Variants in REDIC1 observed in about 807,000 individuals in gnomAD.
REDIC1 encodes the protein HEI10 Interacting Protein 1.
At chr12:39,747,539 AG>A in the REDIC1 span, among the ~76,000 whole-genome samples, 1 of 152,236 alleles carries the variant, frequency 6.6e-6, no homozygotes, top group African/African-American at 2.4e-5. Context: ...CAACCTAGCA[AG>A]GCAGGCCAAC....
At chr12:39,711,565 G>GCATGTGCA in the REDIC1 span, among the ~76,000 whole-genome samples, 288 of 121,778 alleles carry the variant, frequency 2.4e-3, 4 homozygotes, top group African/African-American at 8.4e-3. Flanking sequence ...ACATGCATGT[G>GCATGTGCA]TATATGTGCA....
chr12:39,824,972 C>T, the REDIC1 span, among the ~76,000 whole-genome samples: 3 of 152,250 alleles, frequency 2.0e-5, no homozygotes, highest in South Asian at 6.2e-4. Context: ...GGGATTTAAA[C>T]TGACTAGAAT....
chr12:39,696,107 T>A, the REDIC1 span, among the ~76,000 whole-genome samples: 1 of 152,130 alleles, frequency 6.6e-6, no homozygotes, highest in South Asian at 2.1e-4. Flanking sequence ...TTTGTATTCC[T>A]GGAAAGCATT....
the REDIC1 span, among the ~76,000 whole-genome samples, chr12:39,701,710 G>A: frequency 5.3e-5 from 8 of 152,270 alleles, no homozygotes; most frequent in East Asian, 1.9e-4. Flanking sequence ...CTCAGCAAAT[G>A]TAAAAGAACA....
At chr12:39,847,545 G>A in the REDIC1 span, among the ~76,000 whole-genome samples, 2 of 152,068 alleles carry the variant, frequency 1.3e-5, no homozygotes, top group Non-Finnish European at 2.9e-5. Flanking sequence ...GGAATGCTAT[G>A]CTGGTAGAAC....
At chr12:39,901,653 C>T in the REDIC1 span, among the ~76,000 whole-genome samples, 1 of 127,916 alleles carries the variant, frequency 7.8e-6, no homozygotes, top group African/African-American at 3.0e-5. Flanking sequence ...TACCATCTCA[C>T]ACCAGTTAGA....
the REDIC1 span, chr12:39,716,813 G>A: frequency 7.5e-6 from 12 of 1,600,192 alleles, no homozygotes; most frequent in Non-Finnish European, 1.0e-5. Flanking sequence ...CCAACAGACA[G>A]CTGTTTCAGT....
chr12:39,888,967 G>A, the REDIC1 span, among the ~76,000 whole-genome samples: 42 of 151,934 alleles, frequency 2.8e-4, no homozygotes, highest in Non-Finnish European at 4.4e-4. Context: ...AGTTCAAAGT[G>A]TTTACTTTAT....
chr12:39,718,830 C>A, the REDIC1 span, among the ~76,000 whole-genome samples: 2 of 152,052 alleles, frequency 1.3e-5, no homozygotes, highest in African/African-American at 2.4e-5. Context: ...TTTTTTAAGC[C>A]AAAGCTGTTT....
the REDIC1 span, among the ~76,000 whole-genome samples, chr12:39,832,231 A>G: frequency 6.6e-6 from 1 of 152,132 alleles, no homozygotes; most frequent in Non-Finnish European, 1.5e-5. Context: ...GAACCAGACT[A>G]GGCTAATTTG....
the REDIC1 span, among the ~76,000 whole-genome samples, chr12:39,631,627 T>A: frequency 6.6e-6 from 1 of 152,200 alleles, no homozygotes; most frequent in Non-Finnish European, 1.5e-5. Context: ...TGTGAAAATA[T>A]TTGGGCTAAA....
At chr12:39,779,287 G>A in the REDIC1 span, among the ~76,000 whole-genome samples, 1 of 152,130 alleles carries the variant, frequency 6.6e-6, no homozygotes, top group Admixed American at 6.5e-5. Flanking sequence ...TTCTGAAACG[G>A]GAAGGACTGC....
the REDIC1 span, among the ~76,000 whole-genome samples, chr12:39,731,321 C>T: frequency 6.6e-6 from 1 of 151,862 alleles, no homozygotes; most frequent in Non-Finnish European, 1.5e-5. Flanking sequence ...ATGTTGGTGA[C>T]CTTCGGATGG....
chr12:39,896,781 T>C, the REDIC1 span, among the ~76,000 whole-genome samples: 1 of 152,092 alleles, frequency 6.6e-6, no homozygotes, highest in Non-Finnish European at 1.5e-5. Context: ...CAAAAGGTTA[T>C]AAAAGTTGCA....
the REDIC1 span, among the ~76,000 whole-genome samples, chr12:39,733,916 C>T: frequency 1.6e-3 from 245 of 152,282 alleles, no homozygotes; most frequent in Non-Finnish European, 2.4e-3. Flanking sequence ...ATGAACAGTT[C>T]TGTCTTGCTG....
chr12:39,742,565 C>T, the REDIC1 span, among the ~76,000 whole-genome samples: 2 of 152,030 alleles, frequency 1.3e-5, no homozygotes, highest in African/African-American at 2.4e-5. Context: ...CTTCCCTGCC[C>T]GTGAAGTCCT....
At chr12:39,666,251 A>G in the REDIC1 span, among the ~76,000 whole-genome samples, 195 of 152,254 alleles carry the variant, frequency 1.3e-3, no homozygotes, top group Middle Eastern at 0.01. Context: ...TCAATACCTA[A>G]TTTATTGAGA....
chr12:39,785,238 C>T, the REDIC1 span, among the ~76,000 whole-genome samples: 3 of 152,268 alleles, frequency 2.0e-5, no homozygotes, highest in East Asian at 1.9e-4. Flanking sequence ...CCTGGGGTCC[C>T]CATGCTGTGT....
At chr12:39,744,921 C>T in the REDIC1 span, among the ~76,000 whole-genome samples, 1 of 152,040 alleles carries the variant, frequency 6.6e-6, no homozygotes, top group Non-Finnish European at 1.5e-5. Flanking sequence ...AAACAAGACT[C>T]CACTATATGT....
Sources: allele counts gnomAD v4.1 joint callset (sites outside exome capture counted in the v4.1 genomes callset), GRCh38; gene constraint gnomAD v4.1.1; transcripts MANE v1.5; gene names NCBI Gene and HGNC (gene_info 2026-07-23, HGNC 2026-07-21).